POTEE: variants seen among roughly 807,000 people sequenced by gnomAD.
POTEE encodes POTE ankyrin domain family member E.
A neutral mutation model predicts 74.2 loss-of-function variants in POTEE; 21 were observed. The ratio of observed to expected loss-of-function variants is 0.28; its 90% CI spans 0.20 to 0.41. The LOEUF is 0.41. Among genes scored for constraint, POTEE ranks in the 10% least tolerant of loss-of-function variants. POTEE has a pLI of 1.00. For synonymous variants in POTEE, 211 were observed against 432.8 expected (o/e 0.49, Z 6.36); for missense variants, 525 against 1,158.6 (o/e 0.45, Z 7.94).
Position 131,228,873 on chromosome 2 carries a change from T to C in POTEE, c.1055+492T>C, listed in dbSNP as rs531578574. Reference sequence around the variant, plus strand: ...GAAAAAAGACATTGCAATCATTCTGTTGTTTCCGTTGATTTTGTTGCTGCT... The same window carrying C: ...GAAAAAAGACATTGCAATCATTCTGCTGTTTCCGTTGATTTTGTTGCTGCT... On this transcript the variant is annotated intron_variant, in intron 8 of 17. Coordinates refer to ENST00000683005, the MANE Select transcript of POTEE (RefSeq NM_001083538.3). Among the ~76,000 whole-genome samples, 1,101 of 141,412 alleles carry C rather than the reference T, an allele frequency of 7.8e-3. 35 individuals carry two copies. Among genetic ancestry groups the C allele is most frequent in the African/African-American group, 0.032 (991 of 31,222 alleles). 92.8% of individuals were successfully genotyped at this position (141,412 alleles called of 152,430 possible).
Position 131,209,627 on chromosome 2 carries a change from T to C in POTEE, c.-537T>C, listed in dbSNP as rs1700312807. The stretch of plus-strand genomic sequence containing the variant: ...TCGGACACTGGCTCACTGCAGTTGG[T>C]GGTGTCCACAGAGCGGTAGGAGGGC... On this transcript the variant is annotated 5_prime_UTR_variant, in exon 1 of 18. Coordinates refer to ENST00000683005, the MANE Select transcript of POTEE (RefSeq NM_001083538.3). 6.6e-6 allele frequency among the ~76,000 whole-genome samples: 1 copy of C among 151,938 alleles called. No individual in the cohort carries two copies. The highest frequency in any genetic ancestry group is 2.4e-5 in the African/African-American group (1 of 41,366).
chr2:131,218,036 T>C, intron 3 of POTEE: 1 of 328,826 alleles, frequency 3.0e-6, no homozygotes, highest in South Asian at 3.0e-5. Flanking sequence ...CGTTTCCTGC[T>C]TGGATTGACG....
intron 2 of POTEE, among the ~76,000 whole-genome samples, chr2:131,213,052 C>G (rs1700389555): frequency 6.6e-6 from 1 of 151,486 alleles, no homozygotes; most frequent in African/African-American, 2.4e-5. Context: ...CCCCTGCCTC[C>G]TGGGTGAAAG....
intron 4 of POTEE, among the ~76,000 whole-genome samples, chr2:131,223,002 A>G (rs1416147058): frequency 6.6e-6 from 1 of 151,772 alleles, no homozygotes; most frequent in Non-Finnish European, 1.5e-5. Flanking sequence ...GTAAATCATG[A>G]ATTGTAAGTG....
chr2:131,210,915 C>G (rs1339535551), intron 1 of POTEE, among the ~76,000 whole-genome samples, 113 bp from the exon 2 acceptor site: 1 of 151,042 alleles, frequency 6.6e-6, no homozygotes, highest in Non-Finnish European at 1.5e-5. Flanking sequence ...GAAAGAGAGG[C>G]TGGACTTCGG....
chr2:131,229,870 A>G (rs900837244), intron 8 of POTEE, among the ~76,000 whole-genome samples: 1 of 152,176 alleles, frequency 6.6e-6, no homozygotes, highest in African/African-American at 2.4e-5. Flanking sequence ...GACCTGAATA[A>G]CATGTTCGGT....
chr2:131,222,072 C>T (rs1252490091), intron 4 of POTEE, among the ~76,000 whole-genome samples: 2 of 152,222 alleles, frequency 1.3e-5, no homozygotes, highest in Non-Finnish European at 2.9e-5. Flanking sequence ...CTTTTCCTCC[C>T]TCCTTTCAAA....
At chr2:131,224,230 A>C (rs1247174179) in intron 6 of POTEE, among the ~76,000 whole-genome samples, 187 bp downstream of exon 6, 4 of 151,052 alleles carry the variant, frequency 2.6e-5, no homozygotes, top group Non-Finnish European at 2.9e-5. Flanking sequence ...TAGAGGGTAC[A>C]GTTTTTTTTT....
rs62177514 is a variant in POTEE, at chr2:131,216,184, G to T, written c.-188-1405G>T. ...TGAAAATTATAGCACATTGATGAAAGAAATTGAAAGTGACAAATAGAAAAA... is the reference window on the plus strand; with the variant it reads ...TGAAAATTATAGCACATTGATGAAATAAATTGAAAGTGACAAATAGAAAAA... On this transcript the variant is annotated intron_variant, in intron 2 of 17. Transcript: ENST00000683005. 9.4e-3 allele frequency among the ~76,000 whole-genome samples: 1,422 copies of T among 151,628 alleles called. 8 individuals carry two copies. Among genetic ancestry groups the T allele is most frequent in the Non-Finnish European group, 0.015 (996 of 67,958 alleles).
At chr2:131,220,960 CA>C (rs368618556) in intron 4 of POTEE, among the ~76,000 whole-genome samples, 71 of 116,948 alleles carry the variant, frequency 6.1e-4, no homozygotes, top group African/African-American at 2.3e-3. Context: ...GACTCCATCT[CA>C]AAAAAAAAAA....
intron 9 of POTEE, among the ~76,000 whole-genome samples, chr2:131,233,697 A>T (rs1701037352): frequency 6.7e-6 from 1 of 150,354 alleles, no homozygotes; most frequent in Admixed American, 6.6e-5. Context: ...TTTTTTAAAT[A>T]AAAGCCATTT....
At chr2:131,215,998 A>G (rs1441919986) in intron 2 of POTEE, among the ~76,000 whole-genome samples, 1 of 152,018 alleles carries the variant, frequency 6.6e-6, no homozygotes, top group African/African-American at 2.4e-5. Context: ...TATATTCAAT[A>G]AAGTTGAGAG....
At chr2:131,225,184 G>A (rs1156571485) in intron 6 of POTEE, among the ~76,000 whole-genome samples, 1 of 152,040 alleles carries the variant, frequency 6.6e-6, no homozygotes, top group Non-Finnish European at 1.5e-5. Flanking sequence ...TAATCAACAA[G>A]TCTAGGCTTT....
chr2:131,260,045 C>CTT (rs1472348221), intron 16 of POTEE, among the ~76,000 whole-genome samples: 1 of 110,374 alleles, frequency 9.1e-6, no homozygotes, highest in Non-Finnish European at 1.8e-5. Context: ...ATGTGGCTAT[C>CTT]TTTTTTTCCC....
chr2:131,210,634 C>G (rs1700337806), intron 1 of POTEE, among the ~76,000 whole-genome samples: 2 of 151,864 alleles, frequency 1.3e-5, no homozygotes, highest in South Asian at 4.2e-4. Context: ...ACACCCCATG[C>G]TCTGTGTTGG....
intron 1 of POTEE, among the ~76,000 whole-genome samples, 115 bp downstream of exon 1, chr2:131,209,934 C>G (rs1173263056): frequency 5.6e-5 from 8 of 142,330 alleles, no homozygotes; most frequent in African/African-American, 1.6e-4. Context: ...GGGGCACTCT[C>G]CGAGGTTGCA....
chr2:131,238,116 T>C (rs1175702083), intron 10 of POTEE, 78 bp from the exon 11 acceptor site: 58 of 1,549,722 alleles, frequency 3.7e-5, no homozygotes, highest in Admixed American at 1.3e-4. Context: ...ATAAAATTTT[T>C]TTAAAACATG....
intron 9 of POTEE, among the ~76,000 whole-genome samples, chr2:131,236,528 G>A (rs902500129): frequency 6.6e-6 from 1 of 151,860 alleles, no homozygotes; most frequent in South Asian, 2.1e-4. Flanking sequence ...TTGGGTGGAT[G>A]AATTTGTGAG....
At chr2:131,231,492 AG>A (rs1026576563) in intron 9 of POTEE, among the ~76,000 whole-genome samples, 1 of 152,096 alleles carries the variant, frequency 6.6e-6, no homozygotes, top group Non-Finnish European at 1.5e-5. Flanking sequence ...TAGATAAAAA[AG>A]TAAAAGTAAG....
Sources: allele counts gnomAD v4.1 joint callset (sites outside exome capture counted in the v4.1 genomes callset), GRCh38; gene constraint gnomAD v4.1.1; transcripts MANE v1.5; gene names NCBI Gene and HGNC (gene_info 2026-07-23, HGNC 2026-07-21).